The following PSD3 variants were observed in gnomAD, a reference collection of about 807,000 sequenced individuals.
The protein encoded by PSD3 is PH and SEC7 domain-containing protein 3.
A neutral mutation model predicts 105.5 loss-of-function variants in PSD3; 49 were observed. The ratio of observed to expected loss-of-function variants is 0.46; its 90% confidence interval spans 0.37 to 0.59. PSD3 has a LOEUF of 0.59. Among genes scored for constraint, PSD3 ranks in the 20% least tolerant of loss-of-function variants. The probability of loss-of-function intolerance (pLI) is 0.00; values close to 1 mark genes in which losing one functional copy is unlikely to be tolerated. For synonymous variants in PSD3, 557 were observed against 457.8 expected (o/e 1.22, Z -2.77); for missense variants, 1,561 against 1,263.8 (o/e 1.24, Z -3.57).
In PSD3 at chr8:18,964,589, G is replaced by A. The variant is rs116995930; in HGVS notation, c.22-28447C>T. On this transcript the variant is annotated intron_variant, in intron 1 of 15. Coordinates refer to ENST00000327040, the MANE Select transcript of PSD3 (RefSeq NM_015310.4). ...GGCAATGATTATCTCCTTAAAGTGT[G>A]GTCTCATGAACAACCAGCTACTCTT... 3.3e-5 allele frequency among the ~76,000 whole-genome samples: 5 copies of A among 151,830 alleles called. No individual in the cohort carries two copies. In the East Asian group the frequency reaches 7.7e-4, roughly 24 times the overall value.
chr8:19,054,630 C>A (rs1828647270), intron 1 of PSD3, among the ~76,000 whole-genome samples: 1 of 152,080 alleles, frequency 6.6e-6, no homozygotes, highest in African/African-American at 2.4e-5. Flanking sequence ...TGGATATCTG[C>A]CAGATTTATT....
chr8:18,804,390 G>C (rs751365255), intron 6 of PSD3, 132 bp downstream of exon 6: 17 of 763,872 alleles, frequency 2.2e-5, no homozygotes, highest in African/African-American at 7.3e-5. Flanking sequence ...AAACATTTTG[G>C]AGAAGGAATA....
intron 2 of PSD3, among the ~76,000 whole-genome samples, chr8:18,880,565 G>A (rs1818040924): frequency 6.6e-6 from 1 of 152,164 alleles, no homozygotes. Flanking sequence ...TGCAAGGGGT[G>A]CTGCATCTCC....
chr8:18,795,901 T>C (rs564155338), intron 8 of PSD3, among the ~76,000 whole-genome samples: 4 of 152,306 alleles, frequency 2.6e-5, no homozygotes, highest in Admixed American at 6.5e-5. Flanking sequence ...CAATAAAACT[T>C]AGTTCCAATA....
At chr8:18,708,267 G>C (rs1802019915) in intron 9 of PSD3, among the ~76,000 whole-genome samples, 1 of 152,062 alleles carries the variant, frequency 6.6e-6, no homozygotes, top group Admixed American at 6.5e-5. Context: ...TTAGGATTTA[G>C]GGATGAGAGT....
chr8:18,750,399 G>T (rs113519836), intron 9 of PSD3, among the ~76,000 whole-genome samples: 392 of 152,196 alleles, frequency 2.6e-3, no homozygotes, highest in African/African-American at 9.0e-3. Context: ...TTAAGGTAGC[G>T]CGTCTGGAGT....
At chr8:18,609,051 A>G (rs1484397906) in intron 11 of PSD3, among the ~76,000 whole-genome samples, 1 of 152,182 alleles carries the variant, frequency 6.6e-6, no homozygotes, top group African/African-American at 2.4e-5. Context: ...AAGTCATAAT[A>G]TGGATAGAAA....
intron 1 of PSD3, among the ~76,000 whole-genome samples, chr8:18,990,784 C>G (rs530240684): frequency 2.7e-4 from 41 of 152,322 alleles, no homozygotes; most frequent in African/African-American, 9.1e-4. Context: ...CTCCACCTAC[C>G]TTTCCATGAT....
intron 14 of PSD3, among the ~76,000 whole-genome samples, chr8:18,566,996 G>C (rs901710074): frequency 1.3e-5 from 2 of 152,118 alleles, no homozygotes; most frequent in African/African-American, 2.4e-5. Flanking sequence ...CTAGTATACA[G>C]TCCCTAAATA....
chr8:18,903,846 C>G (rs775544058), intron 2 of PSD3, among the ~76,000 whole-genome samples: 6 of 152,094 alleles, frequency 3.9e-5, no homozygotes, highest in Non-Finnish European at 5.9e-5. Context: ...CCAACTTAGG[C>G]TGAGGGAAGG....
At chr8:18,541,007 C>T (rs938713493) in intron 15 of PSD3, among the ~76,000 whole-genome samples, 11 of 151,960 alleles carry the variant, frequency 7.2e-5, no homozygotes, top group Non-Finnish European at 1.3e-4. Context: ...TCCTCCCTCC[C>T]CTCCCTCACC....
chr8:18,774,729 G>A (rs974145553), intron 8 of PSD3: 3 of 361,676 alleles, frequency 8.3e-6, no homozygotes, highest in African/African-American at 6.4e-5. Context: ...TGTTTTCTGA[G>A]TTTGGCTAAT....
intron 9 of PSD3, among the ~76,000 whole-genome samples, chr8:18,679,673 C>T (rs1418617554): frequency 6.6e-6 from 1 of 152,152 alleles, no homozygotes; most frequent in East Asian, 1.9e-4. Context: ...AGTAACTTGT[C>T]TAGGTGAACA....
At chr8:19,006,244 G>C (rs1229580418) in intron 1 of PSD3, among the ~76,000 whole-genome samples, 1 of 139,762 alleles carries the variant, frequency 7.2e-6, no homozygotes, top group Non-Finnish European at 1.5e-5. Context: ...AGTGAGCCGA[G>C]ATCACGCCAT....
At chr8:18,779,879 TAAG>T (rs1340440068) in intron 8 of PSD3, among the ~76,000 whole-genome samples, 1 of 152,222 alleles carries the variant, frequency 6.6e-6, no homozygotes, top group African/African-American at 2.4e-5. Context: ...TCCCATGTGA[TAAG>T]AATACTTGTT....
At chr8:18,944,376 C>T (rs1822731725) in intron 1 of PSD3, among the ~76,000 whole-genome samples, 4 of 152,080 alleles carry the variant, frequency 2.6e-5, no homozygotes, top group Admixed American at 2.6e-4. Flanking sequence ...TTGAGACCAG[C>T]CTGGCCAACA....
chr8:18,607,089 T>G (rs1042060513), intron 11 of PSD3, among the ~76,000 whole-genome samples: 4 of 152,200 alleles, frequency 2.6e-5, no homozygotes, highest in African/African-American at 9.7e-5. Context: ...GTCGGTCTGC[T>G]ACTCCTGTGA....
At chr8:19,018,359 TAAA>T (rs33971629), upstream of PSD3, among the ~76,000 whole-genome samples, 5 of 149,800 alleles carry the variant, frequency 3.3e-5, no homozygotes, top group African/African-American at 9.8e-5. Context: ...ATGCTCTTTT[TAAA>T]AAAAAAAAAT....
intron 12 of PSD3, among the ~76,000 whole-genome samples, chr8:18,599,106 A>T (rs1214085881): frequency 6.6e-6 from 1 of 152,208 alleles, no homozygotes; most frequent in Non-Finnish European, 1.5e-5. Flanking sequence ...GCCATAAATC[A>T]TACTGAAAAA....
Sources: allele counts gnomAD v4.1 joint callset (sites outside exome capture counted in the v4.1 genomes callset), GRCh38; gene constraint gnomAD v4.1.1; transcripts MANE v1.5; gene names NCBI Gene and HGNC (gene_info 2026-07-23, HGNC 2026-07-21).